Variants in SETBP1 observed in about 807,000 individuals in gnomAD.
SETBP1 encodes the protein SET-binding protein.
Under a neutral mutation model 101.0 loss-of-function variants are expected in SETBP1, and 9 were observed. The ratio of observed to expected loss-of-function variants is 0.09; its 90% CI spans 0.05 to 0.16. The LOEUF (loss-of-function observed/expected upper bound fraction) is 0.16. Among genes scored for constraint, SETBP1 ranks in the 10% least tolerant of loss-of-function variants. SETBP1 has a pLI of 1.00. For missense variants in SETBP1, 1,858 were observed against 2,033.8 expected (o/e 0.91, Z 1.66); for synonymous variants, 818 against 788.5 (o/e 1.04, Z -0.63).
chr18:44,851,703 A>C (rs1208304204), intron 2 of SETBP1, among the ~76,000 whole-genome samples: 1 of 152,172 alleles, frequency 6.6e-6, no homozygotes, highest in African/African-American at 2.4e-5. Context: ...GTCCTCTTCA[A>C]TAAGATGAGA....
In SETBP1 at chr18:45,064,322, T is replaced by C. The variant is rs1250092209; in HGVS notation, c.*624T>C. ...ATAGGCGACCTCAGACCCGCATTCATGTTCTGTGTGCCTCTTCTATTGCAC... is the reference window on the plus strand; with the variant it reads ...ATAGGCGACCTCAGACCCGCATTCACGTTCTGTGTGCCTCTTCTATTGCAC... On this transcript the variant is annotated 3_prime_UTR_variant, in exon 6 of 6. Transcript: ENST00000649279. 6.6e-6 allele frequency: 1 copy of C among 152,372 alleles called. No individual in the cohort carries two copies. Among genetic ancestry groups the C allele is most frequent in the East Asian group, 1.9e-4 (1 of 5,194 alleles). 9.4% of individuals were successfully genotyped at this position (152,372 alleles called of 1,614,324 possible).
chr18:44,746,850 GCA>G (rs1480909253), intron 2 of SETBP1, among the ~76,000 whole-genome samples: 1 of 152,218 alleles, frequency 6.6e-6, no homozygotes, highest in Non-Finnish European at 1.5e-5. Flanking sequence ...AAAGCTACGT[GCA>G]CATGTGATTG....
intron 2 of SETBP1, among the ~76,000 whole-genome samples, chr18:44,850,311 A>T (rs1307018409): frequency 6.6e-6 from 1 of 152,148 alleles, no homozygotes; most frequent in African/African-American, 2.4e-5. Flanking sequence ...CAGCATTGAC[A>T]TGCACCCAGG....
intron 2 of SETBP1, among the ~76,000 whole-genome samples, chr18:44,755,350 G>C (rs550173280): frequency 7.2e-5 from 11 of 152,192 alleles, no homozygotes; most frequent in Non-Finnish European, 1.5e-4. Flanking sequence ...ACATGAGTCC[G>C]TGGACTGAGA....
At chr18:44,830,731 A>G (rs1459869799) in intron 2 of SETBP1, among the ~76,000 whole-genome samples, 1 of 152,222 alleles carries the variant, frequency 6.6e-6, no homozygotes, top group Non-Finnish European at 1.5e-5. Context: ...TAAACAGTGA[A>G]TACAGGAAAA....
intron 4 of SETBP1, among the ~76,000 whole-genome samples, chr18:44,985,593 T>C (rs1303538889): frequency 6.6e-6 from 1 of 152,226 alleles, no homozygotes; most frequent in African/African-American, 2.4e-5. Context: ...AATGATTCTT[T>C]TTCTTCTTTT....
At chr18:44,858,588 T>C (rs2073020027) in intron 2 of SETBP1, among the ~76,000 whole-genome samples, 2 of 152,240 alleles carry the variant, frequency 1.3e-5, no homozygotes, top group Non-Finnish European at 2.9e-5. Context: ...ATATTTATTT[T>C]GTGAAGGTTG....
At chr18:45,034,831 A>G (rs774675670) in intron 4 of SETBP1, among the ~76,000 whole-genome samples, 6 of 152,088 alleles carry the variant, frequency 3.9e-5, no homozygotes, top group Middle Eastern at 3.2e-3. Flanking sequence ...CCCAGAGCAC[A>G]CCCGTGGCAT....
At chr18:44,855,973 C>T (rs988790864) in intron 2 of SETBP1, among the ~76,000 whole-genome samples, 7 of 151,520 alleles carry the variant, frequency 4.6e-5, no homozygotes, top group African/African-American at 1.7e-4. Context: ...TGGGGAGCAA[C>T]GGGAGAGGAT....
At chr18:44,940,631 G>A (rs920365845) in intron 3 of SETBP1, among the ~76,000 whole-genome samples, 45 of 152,044 alleles carry the variant, frequency 3.0e-4, no homozygotes, top group Admixed American at 2.7e-3. Flanking sequence ...AGAAGATTAC[G>A]AATGTATACC....
intron 4 of SETBP1, among the ~76,000 whole-genome samples, chr18:45,036,839 T>C (rs1012265238): frequency 2.6e-5 from 4 of 152,224 alleles, no homozygotes; most frequent in Non-Finnish European, 5.9e-5. Context: ...ACTGGGGTCA[T>C]GATCAGGTAT....
At chr18:44,802,171 G>A (rs536354499) in intron 2 of SETBP1, among the ~76,000 whole-genome samples, 2 of 152,110 alleles carry the variant, frequency 1.3e-5, no homozygotes, top group African/African-American at 4.8e-5. Flanking sequence ...TTGCATCAAT[G>A]TCACTGGCCC....
At chr18:45,017,744 C>T (rs2072977638) in intron 4 of SETBP1, among the ~76,000 whole-genome samples, 1 of 152,258 alleles carries the variant, frequency 6.6e-6, no homozygotes, top group Admixed American at 6.5e-5. Flanking sequence ...ATGTGTTCCT[C>T]TTGTCTTCGA....
intron 2 of SETBP1, among the ~76,000 whole-genome samples, chr18:44,759,589 CAGTG>C (rs972640639): frequency 1.3e-5 from 2 of 152,176 alleles, no homozygotes; most frequent in Admixed American, 1.3e-4. Flanking sequence ...GTTCCCCAAA[CAGTG>C]TGTGTGGGGT....
At chr18:44,740,075 A>T (rs1230543780) in intron 2 of SETBP1, among the ~76,000 whole-genome samples, 1 of 152,148 alleles carries the variant, frequency 6.6e-6, no homozygotes, top group African/African-American at 2.4e-5. Context: ...GGACCTGCCA[A>T]GGTGAAGCAC....
chr18:44,997,450 T>C (rs1277884869), intron 4 of SETBP1, among the ~76,000 whole-genome samples: 1 of 152,216 alleles, frequency 6.6e-6, no homozygotes, highest in Non-Finnish European at 1.5e-5. Flanking sequence ...GTGTAACTTT[T>C]CTGCAAAGTT....
At chr18:44,727,955 A>G (rs1197946220) in intron 2 of SETBP1, among the ~76,000 whole-genome samples, 1 of 152,224 alleles carries the variant, frequency 6.6e-6, no homozygotes, top group Non-Finnish European at 1.5e-5. Flanking sequence ...CAATAAAAAA[A>G]AGAGACTGAA....
rs531974601 is a variant in SETBP1 at position 44,703,348 on chromosome 18, GTTTTTTTTTTTTTTTTTTTTTTTTT to G, written c.486+1538_486+1562del. Among the ~76,000 whole-genome samples the G allele has an allele frequency of 1.8e-3, 94 of 51,446 alleles. 1 individual carries two copies. The East Asian group carries it at 0.035, about 19-fold the overall frequency. 33.8% of individuals were successfully genotyped at this position (51,446 alleles called of 152,430 possible). On this transcript the variant is annotated intron_variant, in intron 2 of 5. Coordinates refer to ENST00000649279, the MANE Select transcript of SETBP1 (RefSeq NM_015559.3). ...TCCATAGCATTTCTGTTACCATTAG[GTTTTTTTTTTTTTTTTTTTTTTTTT>G]TTTTTTTTTTTTTTTTTTTTTAGCT...
intron 2 of SETBP1, among the ~76,000 whole-genome samples, chr18:44,812,429 G>T (rs369265493): frequency 6.6e-6 from 1 of 152,132 alleles, no homozygotes; most frequent in Non-Finnish European, 1.5e-5. Context: ...TGTCAGGGCC[G>T]TAAAATAGCC....
Sources: allele counts gnomAD v4.1 joint callset (sites outside exome capture counted in the v4.1 genomes callset), GRCh38; gene constraint gnomAD v4.1.1; transcripts MANE v1.5; gene names NCBI Gene and HGNC (gene_info 2026-07-23, HGNC 2026-07-21).